The following FAM185A variants were observed in gnomAD, a reference collection of about 807,000 sequenced individuals.
FAM185A encodes the protein protein FAM185A.
Under a neutral mutation model 45.7 loss-of-function variants are expected in FAM185A, and 21 were observed. The observed-to-expected ratio is 0.46, with a 90% CI of 0.33 to 0.66. FAM185A has a LOEUF of 0.66. Ranked by LOEUF, FAM185A falls within the 30% of genes least tolerant of loss-of-function variation. FAM185A has a pLI of 0.03. For missense variants in FAM185A, 305 were observed against 485.4 expected (o/e 0.63, Z 3.49); for synonymous variants, 117 against 194.0 (o/e 0.60, Z 3.30).
chr7:102,843,450 C>CA, the FAM185A span, among the ~76,000 whole-genome samples: 2 of 151,272 alleles, frequency 1.3e-5, no homozygotes, highest in African/African-American at 4.9e-5. Flanking sequence ...AAAACAAAAA[C>CA]AAAAACAAAA....
the FAM185A span, among the ~76,000 whole-genome samples, chr7:102,846,748 G>GAAGCTTAAGAATCGTTCCT: frequency 0.98 from 149,870 of 152,184 alleles, 73,838 homozygotes; most frequent in Non-Finnish European, 1. Context: ...TTGTACTAAG[G>GAAGCTTAAGAATCGTTCCT]AAGCTTAATG....
downstream of FAM185A, among the ~76,000 whole-genome samples, chr7:102,811,220 A>T (rs1797414215): frequency 6.6e-6 from 1 of 152,200 alleles, no homozygotes; most frequent in Non-Finnish European, 1.5e-5. Context: ...ACTATATTTA[A>T]AGCTACTAAT....
At chr7:102,799,169 A>G (rs1796623435) in intron 7 of FAM185A, among the ~76,000 whole-genome samples, 2 of 152,210 alleles carry the variant, frequency 1.3e-5, no homozygotes, top group Admixed American at 6.5e-5. Context: ...AACAGTTTAA[A>G]TAAGCGGAAC....
intron 7 of FAM185A, among the ~76,000 whole-genome samples, chr7:102,795,247 T>A (rs1386599453): frequency 1.3e-5 from 2 of 152,304 alleles, no homozygotes; most frequent in South Asian, 4.1e-4. Flanking sequence ...GCAGTATAGT[T>A]ATAGAAGCTG....
chr7:102,754,363 G>T (rs1793561814), intron 2 of FAM185A, among the ~76,000 whole-genome samples: 1 of 152,264 alleles, frequency 6.6e-6, no homozygotes, highest in Non-Finnish European at 1.5e-5. Flanking sequence ...ATCATGCTCG[G>T]CTAATTTTGG....
intron 6 of FAM185A, among the ~76,000 whole-genome samples, chr7:102,783,538 T>C (rs1202174033): frequency 1.3e-5 from 2 of 152,182 alleles, no homozygotes; most frequent in Non-Finnish European, 2.9e-5. Context: ...AACAACCTGC[T>C]CTTGAATGAC....
chr7:102,848,677 T>C, the FAM185A span, among the ~76,000 whole-genome samples: 1 of 144,142 alleles, frequency 6.9e-6, no homozygotes, highest in East Asian at 2.1e-4. Context: ...GAATCAGAAA[T>C]GCAAACCAGA....
chr7:102,771,478 G>A (rs1208115969), intron 4 of FAM185A, among the ~76,000 whole-genome samples: 1 of 152,072 alleles, frequency 6.6e-6, no homozygotes, highest in Non-Finnish European at 1.5e-5. Flanking sequence ...ACCTTCAGAT[G>A]GATTTTTGCA....
rs1246815874 is a variant in FAM185A at position 102,785,509 on chromosome 7, C to T, written c.932-1826C>T. Among the ~76,000 whole-genome samples, 73 of 152,230 alleles carry T rather than the reference C, an allele frequency of 4.8e-4. No homozygotes were observed. The East Asian group carries it at 0.012, about 24-fold the overall frequency. On this transcript the variant is annotated intron_variant, in intron 6 of 7. Coordinates refer to ENST00000413034, the MANE Select transcript of FAM185A (RefSeq NM_001145268.2). ...ACAGATCAATGGAACAGAACAGAGCCCTCAGAAATAATGCTGCATATCTAC... is the reference window on the plus strand; with the variant it reads ...ACAGATCAATGGAACAGAACAGAGCTCTCAGAAATAATGCTGCATATCTAC...
At chr7:102,778,274 G>A (rs1374137741) in intron 6 of FAM185A, among the ~76,000 whole-genome samples, 2 of 152,234 alleles carry the variant, frequency 1.3e-5, no homozygotes, top group African/African-American at 4.8e-5. Flanking sequence ...CTGATACACC[G>A]GTGTGACTTC....
At chr7:102,776,716 A>AAAAAAAG (rs1554372744) in intron 5 of FAM185A, among the ~76,000 whole-genome samples, 2 of 151,382 alleles carry the variant, frequency 1.3e-5, no homozygotes, top group African/African-American at 2.4e-5. Context: ...AAAAAAAAAA[A>AAAAAAAG]AAAGAAAAAA....
intron 5 of FAM185A, 93 bp downstream of exon 5, chr7:102,772,543 T>C (rs1794817531): frequency 1.7e-5 from 12 of 704,334 alleles, no homozygotes; most frequent in Non-Finnish European, 2.7e-5. Flanking sequence ...ATTCTACAGT[T>C]TAACTGATGA....
the FAM185A span, among the ~76,000 whole-genome samples, chr7:102,835,504 A>T: frequency 6.6e-6 from 1 of 152,042 alleles, no homozygotes; most frequent in African/African-American, 2.4e-5. Context: ...TGCTCAGTAC[A>T]TACTAGTTGG....
At chr7:102,797,303 A>G (rs1796489865) in intron 7 of FAM185A, among the ~76,000 whole-genome samples, 1 of 151,950 alleles carries the variant, frequency 6.6e-6, no homozygotes, top group Admixed American at 6.6e-5. Flanking sequence ...TCTACTAAAA[A>G]TACAAAAAAA....
At chr7:102,848,472 C>T in the FAM185A span, among the ~76,000 whole-genome samples, 1 of 80,800 alleles carries the variant, frequency 1.2e-5, no homozygotes, top group Admixed American at 1.3e-4. Context: ...AGGAGAATGG[C>T]GTGAACCCAA....
At chr7:102,797,354 T>TCGGGAGGCTGAGG (rs1426744572) in intron 7 of FAM185A, among the ~76,000 whole-genome samples, 2 of 151,420 alleles carry the variant, frequency 1.3e-5, no homozygotes, top group Non-Finnish European at 3.0e-5. Context: ...TCCCAGCTAC[T>TCGGGAGGCTGAGG]CGGGAGGCTG....
chr7:102,788,373 G>A (rs1464673698), intron 7 of FAM185A, among the ~76,000 whole-genome samples: 1 of 152,176 alleles, frequency 6.6e-6, no homozygotes, highest in Non-Finnish European at 1.5e-5. Context: ...ACCGTGTATA[G>A]GGATGAATGC....
At chr7:102,814,814 A>C in the FAM185A span, among the ~76,000 whole-genome samples, 1 of 152,168 alleles carries the variant, frequency 6.6e-6, no homozygotes, top group Non-Finnish European at 1.5e-5. Context: ...CATTCTGTTA[A>C]TTTTTTAAAT....
the FAM185A span, among the ~76,000 whole-genome samples, chr7:102,835,673 A>AGG: frequency 1.8e-5 from 2 of 110,406 alleles, no homozygotes; most frequent in Non-Finnish European, 1.7e-5. Context: ...GCAGTGGCGC[A>AGG]ATCTCGGCTC....
Sources: allele counts gnomAD v4.1 joint callset (sites outside exome capture counted in the v4.1 genomes callset), GRCh38; gene constraint gnomAD v4.1.1; transcripts MANE v1.5; gene names NCBI Gene and HGNC (gene_info 2026-07-23, HGNC 2026-07-21).